Variants in SRGAP1 observed in about 807,000 individuals in gnomAD.
The protein encoded by SRGAP1 is SLIT-ROBO Rho GTPase-activating protein 1.
Under a neutral mutation model 121.9 loss-of-function variants are expected in SRGAP1, and 43 were observed. The ratio of observed to expected loss-of-function variants is 0.35; its 90% CI spans 0.28 to 0.46. The LOEUF (loss-of-function observed/expected upper bound fraction) is 0.46, where lower values mean the gene tolerates loss of function less well. SRGAP1 is among the 20% of genes least tolerant of loss of function. The pLI is 1.00. For synonymous variants in SRGAP1, 447 were observed against 485.4 expected (o/e 0.92, Z 1.04); for missense variants, 1,102 against 1,350.9 (o/e 0.82, Z 2.89).
intron 1 of SRGAP1, among the ~76,000 whole-genome samples, chr12:63,965,876 T>C (rs1043177958): frequency 2.6e-5 from 4 of 152,232 alleles, no homozygotes; most frequent in Non-Finnish European, 5.9e-5. Flanking sequence ...TGAAGTGCAG[T>C]GGCACCATCT....
intron 1 of SRGAP1, among the ~76,000 whole-genome samples, chr12:63,942,302 A>C (rs988834770): frequency 1.3e-5 from 2 of 152,264 alleles, no homozygotes; most frequent in Admixed American, 6.5e-5. Context: ...AGTAATACTT[A>C]TAGCTAGATT....
chr12:64,082,001 C>CTTTTTTTTTTTTTTTT lies in SRGAP1; in HGVS notation c.1408+1637_1408+1652dup. On this transcript the variant is annotated intron_variant, in intron 10 of 21. Coordinates refer to ENST00000355086, the MANE Select transcript of SRGAP1 (RefSeq NM_020762.4). ...TTTCCCTCACAGTGTCATGTAAGGT[C>CTTTTTTTTTTTTTTTT]TTTTTTTTTTTTTTTTTTTTTCAAT... 2.0e-3 allele frequency: 130 copies of CTTTTTTTTTTTTTTTT among 66,138 alleles called. 8 individuals are homozygous for CTTTTTTTTTTTTTTTT. Among genetic ancestry groups the CTTTTTTTTTTTTTTTT allele is most frequent in the Middle Eastern group, 0.021 (1 of 48 alleles). The allele number at this position is 66,138 out of a possible 1,614,324, so 4.1% of individuals were successfully genotyped here.
intron 1 of SRGAP1, among the ~76,000 whole-genome samples, chr12:63,854,787 T>C (rs1362359574): frequency 6.6e-6 from 1 of 152,204 alleles, no homozygotes; most frequent in African/African-American, 2.4e-5. Flanking sequence ...GAATTATTTA[T>C]AGTTTTTTTG....
intron 1 of SRGAP1, among the ~76,000 whole-genome samples, chr12:63,868,121 G>T: frequency 8.8e-6 from 1 of 113,642 alleles, no homozygotes; most frequent in African/African-American, 3.3e-5. Context: ...TCACTCTGTT[G>T]CTCAGGCTGG....
intron 1 of SRGAP1, among the ~76,000 whole-genome samples, chr12:63,974,326 A>G (rs1396776726): frequency 6.6e-6 from 1 of 152,190 alleles, no homozygotes; most frequent in Admixed American, 6.5e-5. Context: ...GCTATGAAAA[A>G]CTGACAGTTT....
chr12:63,946,139 A>G (rs1334947125), intron 1 of SRGAP1, among the ~76,000 whole-genome samples: 2 of 152,180 alleles, frequency 1.3e-5, no homozygotes, highest in South Asian at 2.1e-4. Flanking sequence ...ACACTGCATT[A>G]TGAAATGGAG....
intron 4 of SRGAP1, chr12:64,038,898 G>A (rs981483028): frequency 2.6e-5 from 4 of 152,164 alleles, no homozygotes; most frequent in Non-Finnish European, 5.9e-5. Context: ...GTATGCAAAG[G>A]CTTGTGTTTG....
At chr12:63,912,639 C>T (rs2030555599) in intron 1 of SRGAP1, among the ~76,000 whole-genome samples, 1 of 151,778 alleles carries the variant, frequency 6.6e-6, no homozygotes, top group Non-Finnish European at 1.5e-5. Context: ...AAAATCAGCA[C>T]TGGATAGAGT....
At chr12:63,888,614 C>G (rs1900472222) in intron 1 of SRGAP1, 2 of 152,182 alleles carry the variant, frequency 1.3e-5, no homozygotes, top group Non-Finnish European at 2.9e-5. Context: ...GGCATGTTCT[C>G]ATTTCTCTGT....
chr12:64,008,089 C>G (rs7967578), intron 3 of SRGAP1, among the ~76,000 whole-genome samples: 63,833 of 152,000 alleles, frequency 0.42, 13,920 homozygotes, highest in African/African-American at 0.5. Context: ...AAGCACATAA[C>G]CATGGGCATG....
intron 8 of SRGAP1, among the ~76,000 whole-genome samples, chr12:64,068,068 CAA>C (rs1260864761): frequency 5.3e-5 from 8 of 151,944 alleles, no homozygotes; most frequent in Admixed American, 5.2e-4. Context: ...TGCCTGAGCT[CAA>C]GAGTTCGAGA....
chr12:63,947,008 TTGATAATCACAGA>T (rs1332475762), intron 1 of SRGAP1, among the ~76,000 whole-genome samples: 1 of 152,212 alleles, frequency 6.6e-6, no homozygotes, highest in African/African-American at 2.4e-5. Flanking sequence ...TCCATTGTGA[TTGATAATCACAGA>T]TTGCTTTTCC....
In SRGAP1 at chr12:64,044,310, A is replaced by G. The variant is rs79332026; in HGVS notation, c.801+735A>G. Reference sequence around the variant, plus strand: ...GCTAACACTGTAAGAGACTGCAAAGATGAAACACAAAAATCCCATGTCCAA... The same window carrying G: ...GCTAACACTGTAAGAGACTGCAAAGGTGAAACACAAAAATCCCATGTCCAA... On this transcript the variant is annotated intron_variant, in intron 6 of 21. Coordinates refer to ENST00000355086, the MANE Select transcript of SRGAP1 (RefSeq NM_020762.4). 1.4e-4 allele frequency among the ~76,000 whole-genome samples: 21 copies of G among 152,340 alleles called. No homozygotes were observed. The East Asian group carries it at 3.1e-3, about 22-fold the overall frequency.
chr12:63,949,332 GTTT>G (rs71434040), intron 1 of SRGAP1, among the ~76,000 whole-genome samples: 3 of 124,396 alleles, frequency 2.4e-5, no homozygotes, highest in South Asian at 2.4e-4. Flanking sequence ...GTCACAACTT[GTTT>G]TTTTTTTTTT....
At chr12:64,109,698 T>C (rs2036401261) in intron 16 of SRGAP1, among the ~76,000 whole-genome samples, 1 of 152,186 alleles carries the variant, frequency 6.6e-6, no homozygotes, top group South Asian at 2.1e-4. Flanking sequence ...CTATTCAACA[T>C]TTCAGCTAAG....
chr12:63,913,506 T>C (rs2030633859), intron 1 of SRGAP1, among the ~76,000 whole-genome samples: 1 of 141,772 alleles, frequency 7.1e-6, no homozygotes, highest in Admixed American at 7.7e-5. Flanking sequence ...CACATATATG[T>C]GTATATATAT....
At chr12:64,059,005 A>G (rs1038772252) in intron 6 of SRGAP1, among the ~76,000 whole-genome samples, 1 of 152,168 alleles carries the variant, frequency 6.6e-6, no homozygotes, top group Non-Finnish European at 1.5e-5. Context: ...CATAGGGGTC[A>G]GAGAAGGAAA....
In SRGAP1 at chr12:63,844,787, C is replaced by A. The variant is rs1401379835; in HGVS notation, c.-30C>A. 1 of 1,612,634 alleles carries A rather than the reference C, an allele frequency of 6.2e-7. No individual in the cohort carries two copies. Among genetic ancestry groups the A allele is most frequent in the South Asian group, 1.1e-5 (1 of 91,056 alleles). On this transcript the variant is annotated 5_prime_UTR_variant, in exon 1 of 22. Transcript: ENST00000355086. The surrounding 1 kb of genome is among the most constrained non-coding windows in gnomAD (Gnocchi z 4.3). ...TTGTGACCACTGAACAAAACTTGCC[C>A]ATTGAAAGCAAACCCGGAACAGCTG...
intron 1 of SRGAP1, among the ~76,000 whole-genome samples, chr12:63,972,954 C>G (rs2032997890): frequency 6.6e-6 from 1 of 151,936 alleles, no homozygotes; most frequent in African/African-American, 2.4e-5. Context: ...TCGAGACCAG[C>G]CTGGCCAACA....
Sources: gnomAD v4.1 joint callset for allele counts (sites outside exome capture counted in the v4.1 genomes callset) on GRCh38, gnomAD v4.1.1 for gene constraint, Gnocchi (gnomAD v3.1) non-coding constraint, MANE v1.5 for transcripts, NCBI Gene and HGNC (gene_info 2026-07-23, HGNC 2026-07-21) for gene names.